TBC1D5: variants seen among roughly 807,000 people sequenced by gnomAD.
TBC1D5 encodes TBC1 domain family, member 5.
A neutral mutation model predicts 100.3 loss-of-function variants in TBC1D5; 75 were observed. That is an observed-to-expected ratio of 0.75 (90% CI 0.62 to 0.91). The LOEUF (loss-of-function observed/expected upper bound fraction) is 0.91, where lower values mean the gene tolerates loss of function less well. TBC1D5 is among the 40% of genes least tolerant of loss of function. The pLI, the probability that TBC1D5 is intolerant of heterozygous loss-of-function variation, is 0.00. For missense variants in TBC1D5, 910 were observed against 942.4 expected (o/e 0.97, Z 0.45); for synonymous variants, 323 against 325.6 (o/e 0.99, Z 0.09).
chr3:17,690,719 G>A lies in TBC1D5; in HGVS notation c.-101+48624C>T, dbSNP rs114992729. ...TGTACATGTGAGCGATCTAGGTTGC[G>A]TGCTCCTTATGAGAATCTAATGCCT... On this transcript the variant is annotated intron_variant, in intron 1 of 21. Coordinates refer to ENST00000253692, the Ensembl canonical transcript of TBC1D5. Among the ~76,000 whole-genome samples, 89 of 152,196 alleles carry A rather than the reference G, an allele frequency of 5.8e-4. 1 individual carries two copies. The highest frequency in any genetic ancestry group is 2.0e-3 in the African/African-American group (85 of 41,504).
chr3:17,557,760 A>T (rs957563917), intron 2 of TBC1D5, among the ~76,000 whole-genome samples: 1 of 152,080 alleles, frequency 6.6e-6, no homozygotes, highest in Non-Finnish European at 1.5e-5. Context: ...CCATAGGTAA[A>T]TTTTTTTTAA....
At chr3:17,704,819 C>T (rs1338662719) in intron 1 of TBC1D5, among the ~76,000 whole-genome samples, 23 of 83,232 alleles carry the variant, frequency 2.8e-4, no homozygotes, top group African/African-American at 5.8e-4. Flanking sequence ...GCTGGCCGGG[C>T]GGAGGGCTGA....
chr3:17,602,866 T>C (rs995164847), intron 2 of TBC1D5, among the ~76,000 whole-genome samples: 7 of 152,038 alleles, frequency 4.6e-5, no homozygotes, highest in African/African-American at 1.7e-4. Context: ...TGAGCCACCG[T>C]GCCCGGCCGA....
At chr3:17,529,258 T>A (rs1318305681) in intron 2 of TBC1D5, among the ~76,000 whole-genome samples, 3 of 152,230 alleles carry the variant, frequency 2.0e-5, no homozygotes, top group Non-Finnish European at 4.4e-5. Context: ...CCACACTATC[T>A]GTAAACTCTG....
intron 15 of TBC1D5, among the ~76,000 whole-genome samples, chr3:17,267,960 T>G (rs2149601766): frequency 6.6e-6 from 1 of 152,258 alleles, no homozygotes; most frequent in East Asian, 1.9e-4. Context: ...TAGTAAAAAG[T>G]GAAATATGAA....
intron 16 of TBC1D5, among the ~76,000 whole-genome samples, chr3:17,255,197 A>G (rs1479091759): frequency 6.6e-6 from 1 of 152,042 alleles, no homozygotes; most frequent in Non-Finnish European, 1.5e-5. Flanking sequence ...ATGGCCACTT[A>G]GGATCTTGTG....
intron 1 of TBC1D5, among the ~76,000 whole-genome samples, chr3:17,723,061 T>C (rs966219225): frequency 6.6e-6 from 1 of 152,004 alleles, no homozygotes; most frequent in Non-Finnish European, 1.5e-5. Flanking sequence ...CAAAAAATAG[T>C]TCTAAAGAAT....
chr3:17,182,952 A>C lies in TBC1D5; in HGVS notation c.1852+2157T>G, dbSNP rs537920198. Among the ~76,000 whole-genome samples the C allele has an allele frequency of 1.4e-4, 22 of 152,038 alleles. No individual in the cohort carries two copies. In the South Asian group the frequency reaches 3.3e-3, roughly 23 times the overall value. The stretch of plus-strand genomic sequence containing the variant: ...ATTTCCTACCTAGCTCTTTAAACGC[A>C]ATCTTTACCTGCCCTTTACCAGACA... On this transcript the variant is annotated intron_variant, in intron 19 of 21. Transcript: ENST00000253692.
intron 13 of TBC1D5, among the ~76,000 whole-genome samples, chr3:17,364,226 CCATAT>C (rs1190681914): frequency 6.6e-6 from 1 of 152,060 alleles, no homozygotes; most frequent in Non-Finnish European, 1.5e-5. Flanking sequence ...AAAATTTTCA[CCATAT>C]CATATTTTGA....
intron 3 of TBC1D5, among the ~76,000 whole-genome samples, chr3:17,451,185 G>C (rs1031664109): frequency 6.6e-6 from 1 of 152,184 alleles, no homozygotes; most frequent in African/African-American, 2.4e-5. Flanking sequence ...AATGCTGAGA[G>C]ATTTTGTCAC....
At chr3:17,241,676 T>C (rs2076313913) in intron 16 of TBC1D5, among the ~76,000 whole-genome samples, 1 of 152,236 alleles carries the variant, frequency 6.6e-6, no homozygotes, top group Non-Finnish European at 1.5e-5. Flanking sequence ...AATTCTGACC[T>C]GAATTCACTG....
chr3:17,396,214 G>A (rs1347453324), intron 8 of TBC1D5, among the ~76,000 whole-genome samples: 1 of 152,022 alleles, frequency 6.6e-6, no homozygotes, highest in Non-Finnish European at 1.5e-5. Flanking sequence ...ACAACACCAA[G>A]TACATCCACT....
At chr3:17,214,730 C>T (rs2073419715) in intron 17 of TBC1D5, among the ~76,000 whole-genome samples, 1 of 151,344 alleles carries the variant, frequency 6.6e-6, no homozygotes, top group Admixed American at 6.6e-5. Context: ...TTACAGAAAC[C>T]AGAATCTATT....
intron 3 of TBC1D5, among the ~76,000 whole-genome samples, chr3:17,496,292 T>C (rs1031490538): frequency 1.3e-5 from 2 of 152,222 alleles, no homozygotes; most frequent in African/African-American, 4.8e-5. Flanking sequence ...CCTAATTGTA[T>C]TAATTGTGAT....
At chr3:17,460,524 T>C (rs554830942) in intron 3 of TBC1D5, among the ~76,000 whole-genome samples, 1 of 152,326 alleles carries the variant, frequency 6.6e-6, no homozygotes, top group East Asian at 1.9e-4. Context: ...GATTACACTA[T>C]AGTGAAGTTC....
intron 13 of TBC1D5, among the ~76,000 whole-genome samples, chr3:17,341,739 T>C (rs904184627): frequency 3.3e-5 from 5 of 152,174 alleles, no homozygotes; most frequent in African/African-American, 1.2e-4. Flanking sequence ...AATACATTAA[T>C]AGAACATTAA....
intron 3 of TBC1D5, among the ~76,000 whole-genome samples, chr3:17,483,435 A>C (rs2095523565): frequency 6.6e-6 from 1 of 152,198 alleles, no homozygotes; most frequent in South Asian, 2.1e-4. Flanking sequence ...GGCTCAAATC[A>C]ATTACTTTTT....
intron 3 of TBC1D5, among the ~76,000 whole-genome samples, chr3:17,474,596 C>T (rs1367979227): frequency 1.3e-5 from 2 of 152,034 alleles, no homozygotes; most frequent in Non-Finnish European, 2.9e-5. Context: ...AAGAACGACT[C>T]CAATCTTCAG....
chr3:17,611,158 G>T (rs1365004086), intron 2 of TBC1D5, among the ~76,000 whole-genome samples: 1 of 152,054 alleles, frequency 6.6e-6, no homozygotes, highest in African/African-American at 2.4e-5. Flanking sequence ...TCATGCAGTG[G>T]GTTATATGAT....
Sources: gnomAD v4.1 joint callset for allele counts (sites outside exome capture counted in the v4.1 genomes callset) on GRCh38, gnomAD v4.1.1 for gene constraint, MANE v1.5 for transcripts, NCBI Gene and HGNC (gene_info 2026-07-23, HGNC 2026-07-21) for gene names.